The following GRM7 variants were observed in gnomAD, a reference collection of about 807,000 sequenced individuals.
GRM7 encodes the protein glutamate metabotropic receptor 7.
GRM7 carries 35 observed loss-of-function variants against 84.5 expected under a neutral mutation model. The ratio of observed to expected loss-of-function variants is 0.41; its 90% CI spans 0.32 to 0.55. The LOEUF (loss-of-function observed/expected upper bound fraction) is 0.55, where lower values mean the gene tolerates loss of function less well. Among genes scored for constraint, GRM7 ranks in the 20% least tolerant of loss-of-function variants. The pLI, the probability that GRM7 is intolerant of heterozygous loss-of-function variation, is 0.19. For synonymous variants in GRM7, 487 were observed against 455.1 expected (o/e 1.07, Z -0.89); for missense variants, 1,003 against 1,194.6 (o/e 0.84, Z 2.36).
intron 1 of GRM7, among the ~76,000 whole-genome samples, chr3:6,913,561 G>A (rs555798670): frequency 1.3e-5 from 2 of 152,190 alleles, no homozygotes; most frequent in South Asian, 2.1e-4. Flanking sequence ...TCTTGGTTAC[G>A]AAGTTCTTAA....
intron 8 of GRM7, among the ~76,000 whole-genome samples, chr3:7,592,170 T>C (rs1695816361): frequency 6.6e-6 from 1 of 152,028 alleles, no homozygotes; most frequent in Non-Finnish European, 1.5e-5. Flanking sequence ...GCAAAAGAGA[T>C]AAATTCCTGA....
At chr3:7,112,861 C>A (rs771938189) in intron 1 of GRM7, among the ~76,000 whole-genome samples, 5 of 152,166 alleles carry the variant, frequency 3.3e-5, no homozygotes, top group Non-Finnish European at 7.3e-5. Context: ...ATTGGCCACA[C>A]ATCAAACAAT....
At chr3:7,650,351 T>G (rs1698875300) in intron 8 of GRM7, among the ~76,000 whole-genome samples, 1 of 152,176 alleles carries the variant, frequency 6.6e-6, no homozygotes, top group African/African-American at 2.4e-5. Context: ...ATGGTACCCA[T>G]CTACCCGTCT....
intron 7 of GRM7, among the ~76,000 whole-genome samples, chr3:7,516,505 AG>A (rs1559373946): frequency 2.1e-4 from 25 of 120,004 alleles, no homozygotes; most frequent in Non-Finnish European, 3.0e-4. Context: ...AAAAAAAAAA[AG>A]AAATAGTTAG....
intron 8 of GRM7, among the ~76,000 whole-genome samples, chr3:7,656,547 G>GCACACACACACACA (rs36040422): frequency 2.2e-5 from 3 of 139,292 alleles, no homozygotes; most frequent in East Asian, 4.2e-4. Flanking sequence ...ATACGCGCGC[G>GCACACACACACACA]CACACACACA....
At chr3:7,588,099 A>C (rs1575527821) in intron 8 of GRM7, among the ~76,000 whole-genome samples, 1 of 152,210 alleles carries the variant, frequency 6.6e-6, no homozygotes, top group African/African-American at 2.4e-5. Flanking sequence ...ATTATGGGTA[A>C]TCATAAGAAT....
intron 7 of GRM7, among the ~76,000 whole-genome samples, chr3:7,467,318 A>C (rs1241127347): frequency 6.6e-6 from 1 of 152,100 alleles, no homozygotes; most frequent in African/African-American, 2.4e-5. Flanking sequence ...TGATCTGCTG[A>C]CCTTGTAATC....
At chr3:7,262,134 A>C (rs1698453607) in intron 2 of GRM7, among the ~76,000 whole-genome samples, 1 of 149,640 alleles carries the variant, frequency 6.7e-6, no homozygotes, top group South Asian at 2.1e-4. Context: ...AGAGAATCTG[A>C]TGGTTATGTG....
At chr3:6,929,271 GT>G (rs1265007639) in intron 1 of GRM7, among the ~76,000 whole-genome samples, 1 of 152,088 alleles carries the variant, frequency 6.6e-6, no homozygotes, top group African/African-American at 2.4e-5. Flanking sequence ...CCTGCTCCTT[GT>G]CCCCATGACT....
chr3:6,896,626 G>A (rs1273109304), intron 1 of GRM7, among the ~76,000 whole-genome samples: 5 of 152,136 alleles, frequency 3.3e-5, no homozygotes, highest in Admixed American at 3.3e-4. Context: ...TGGTAGTGAG[G>A]TTTGCTTTCC....
chr3:7,535,205 T>C (rs1044570363), intron 7 of GRM7: 4 of 151,616 alleles, frequency 2.6e-5, no homozygotes, highest in African/African-American at 9.7e-5. Flanking sequence ...ACAATTAGTG[T>C]CTCAGGAAAT....
intron 7 of GRM7, among the ~76,000 whole-genome samples, chr3:7,563,460 A>G (rs972205936): frequency 3.9e-5 from 6 of 152,206 alleles, no homozygotes; most frequent in African/African-American, 1.4e-4. Flanking sequence ...GTGTAAGTAC[A>G]GGGAAGAGAA....
chr3:6,885,820 C>A (rs1229261916), intron 1 of GRM7, among the ~76,000 whole-genome samples: 1 of 152,090 alleles, frequency 6.6e-6, no homozygotes, highest in Non-Finnish European at 1.5e-5. Context: ...GTAAACAGTG[C>A]CACACAATTA....
At chr3:6,904,209 G>T (rs371447356) in intron 1 of GRM7, among the ~76,000 whole-genome samples, 1 of 151,880 alleles carries the variant, frequency 6.6e-6, no homozygotes, top group South Asian at 2.1e-4. Context: ...AAATCACAAA[G>T]ATATTTGTTT....
At chr3:7,321,203 ATTAT>A (rs1700768379) in intron 4 of GRM7, among the ~76,000 whole-genome samples, 1 of 152,024 alleles carries the variant, frequency 6.6e-6, no homozygotes, top group Non-Finnish European at 1.5e-5. Context: ...TTAGAAATGA[ATTAT>A]TTTTGTTCTG....
chr3:7,643,910 G>A (rs1216872516), intron 8 of GRM7, among the ~76,000 whole-genome samples: 1 of 151,788 alleles, frequency 6.6e-6, no homozygotes, highest in African/African-American at 2.4e-5. Context: ...ATGAATAATG[G>A]TTATCTAAGG....
intron 1 of GRM7, among the ~76,000 whole-genome samples, chr3:7,017,496 G>T (rs188558086): frequency 6.6e-5 from 10 of 152,316 alleles, no homozygotes; most frequent in Admixed American, 3.3e-4. Context: ...AGAAACTGGG[G>T]TAAAGTTTAT....
chr3:7,198,789 A>G (rs1460786580), intron 2 of GRM7, among the ~76,000 whole-genome samples: 2 of 152,176 alleles, frequency 1.3e-5, no homozygotes, highest in Non-Finnish European at 2.9e-5. Flanking sequence ...CACCATCATA[A>G]AGTCAAAAAT....
intron 4 of GRM7, among the ~76,000 whole-genome samples, chr3:7,407,971 G>A (rs373326586): frequency 2.0e-5 from 3 of 152,142 alleles, no homozygotes; most frequent in Middle Eastern, 3.2e-3. Flanking sequence ...GCTGGACACT[G>A]TTCTAAAAAC....
Sources: gnomAD v4.1 joint callset for allele counts (sites outside exome capture counted in the v4.1 genomes callset) on GRCh38, gnomAD v4.1.1 for gene constraint, MANE v1.5 for transcripts, NCBI Gene and HGNC (gene_info 2026-07-23, HGNC 2026-07-21) for gene names.